NECAB1: variants seen among roughly 807,000 people sequenced by gnomAD.
NECAB1 encodes N-terminal EF-hand calcium-binding protein 1.
A neutral mutation model predicts 57.5 loss-of-function variants in NECAB1; 29 were observed. The observed-to-expected ratio is 0.50, with a 90% confidence interval of 0.38 to 0.69. The LOEUF is 0.69. NECAB1 is among the 30% of genes least tolerant of loss of function. The pLI is 0.00. For missense variants in NECAB1, 372 were observed against 413.8 expected (o/e 0.90, Z 0.88); for synonymous variants, 142 against 147.7 (o/e 0.96, Z 0.28).
intron 3 of NECAB1, among the ~76,000 whole-genome samples, chr8:90,860,729 A>C (rs1812886022): frequency 6.6e-6 from 1 of 152,204 alleles, no homozygotes; most frequent in African/African-American, 2.4e-5. Flanking sequence ...GGAAAGCTGC[A>C]AATGATGCAG....
chr8:90,874,947 A>ATGT (rs1808687523), intron 4 of NECAB1, among the ~76,000 whole-genome samples: 1 of 149,252 alleles, frequency 6.7e-6, no homozygotes, highest in East Asian at 2.0e-4. Flanking sequence ...TCCTAAATGC[A>ATGT]TTTTTTTTTT....
chr8:90,835,585 A>C (rs1812358564), intron 3 of NECAB1, among the ~76,000 whole-genome samples: 1 of 152,088 alleles, frequency 6.6e-6, no homozygotes, highest in Non-Finnish European at 1.5e-5. Context: ...TGTATTCACT[A>C]ACCTTTCCTT....
rs1351780996 is a variant in NECAB1, at chr8:90,958,216, A to AACTT, written c.*2706_*2709dup. ...CATATATAAGAAATTATCGAATTAA[A>AACTT]ACTTAATGTATGTCAATTATTTTCA... On this transcript the variant is annotated 3_prime_UTR_variant, in exon 13 of 13. Transcript: ENST00000417640. 6.6e-6 allele frequency: 1 copy of AACTT among 151,574 alleles called. No homozygotes were observed. The highest frequency in any genetic ancestry group is 2.4e-5 in the African/African-American group (1 of 41,362). 9.4% of individuals were successfully genotyped at this position (151,574 alleles called of 1,614,324 possible).
rs1812197065 is a variant in NECAB1, at chr8:90,824,807, T to C, written c.215T>C (p.Ile72Thr). ...GEELHELFHT[I>T]DTHNTNNLDT... Reference sequence around the variant, plus strand: ...GAATTACACGAGCTTTTCCATACCATTGATACACATAATACTAAGTAAGAA... The same window carrying C: ...GAATTACACGAGCTTTTCCATACCACTGATACACATAATACTAAGTAAGAA... The change falls in exon 3 of 13, where the codon ATT becomes ACT. Residue 72 changes from isoleucine (I) to threonine (T), a missense_variant. Coordinates refer to ENST00000417640, the MANE Select transcript of NECAB1 (RefSeq NM_022351.5). 4.5e-6 allele frequency: 7 copies of C among 1,539,734 alleles called. No homozygotes were observed. The highest frequency in any genetic ancestry group is 6.2e-6 in the Non-Finnish European group (7 of 1,136,896).
intron 5 of NECAB1, among the ~76,000 whole-genome samples, chr8:90,886,099 A>T (rs1808979781): frequency 6.6e-6 from 1 of 152,204 alleles, no homozygotes; most frequent in Admixed American, 6.5e-5. Flanking sequence ...AGAGAAATGA[A>T]ATTTAATTAG....
At chr8:90,833,706 A>G (rs181294546) in intron 3 of NECAB1, among the ~76,000 whole-genome samples, 6 of 152,298 alleles carry the variant, frequency 3.9e-5, no homozygotes, top group Admixed American at 2.0e-4. Flanking sequence ...GATGAAATCA[A>G]TGCAGTAAAA....
rs551559935 is a variant in NECAB1, at chr8:90,798,617, A to G, written c.100-3074A>G. Among the ~76,000 whole-genome samples the G allele has an allele frequency of 6.6e-5, 10 of 152,318 alleles. No homozygotes were observed. The South Asian group carries it at 1.2e-3, about 19-fold the overall frequency. Reference sequence around the variant, plus strand: ...CTCCAGTTGCATCCATGTCACTGCAAAGGACATTATCTTGTTCTTTTTTAT... The same window carrying G: ...CTCCAGTTGCATCCATGTCACTGCAGAGGACATTATCTTGTTCTTTTTTAT... On this transcript the variant is annotated intron_variant, in intron 1 of 12. Coordinates refer to ENST00000417640, the MANE Select transcript of NECAB1 (RefSeq NM_022351.5).
At chr8:90,795,708 T>TCTCTCACA (rs551150301) in intron 1 of NECAB1, among the ~76,000 whole-genome samples, 158 of 147,870 alleles carry the variant, frequency 1.1e-3, no homozygotes, top group Middle Eastern at 7.0e-3. Context: ...CTCATCTCTC[T>TCTCTCACA]CACACACACA....
At chr8:90,828,173 C>T (rs1812253590) in intron 3 of NECAB1, among the ~76,000 whole-genome samples, 1 of 144,714 alleles carries the variant, frequency 6.9e-6, no homozygotes, top group East Asian at 2.1e-4. Context: ...TTACTTGGAT[C>T]TTTTCAGTCA....
Position 90,847,690 on chromosome 8 carries a change from C to T in NECAB1, c.233+22865C>T, listed in dbSNP as rs568778550. 8.5e-5 allele frequency among the ~76,000 whole-genome samples: 13 copies of T among 152,350 alleles called. No individual in the cohort carries two copies. The South Asian group carries it at 2.7e-3, about 32-fold the overall frequency. On this transcript the variant is annotated intron_variant, in intron 3 of 12. Coordinates refer to ENST00000417640, the MANE Select transcript of NECAB1 (RefSeq NM_022351.5). ...GATCCCAAACCTCAGTTCTTGACTT[C>T]TCTGCACCCACAGGCCCAACACCAC...
chr8:90,907,047 G>A (rs1382162580), intron 5 of NECAB1, among the ~76,000 whole-genome samples: 2 of 149,982 alleles, frequency 1.3e-5, no homozygotes, highest in Non-Finnish European at 3.0e-5. Context: ...CACCATGCCT[G>A]GCTAATTTCC....
chr8:90,801,272 A>G (rs1265903340), intron 1 of NECAB1, among the ~76,000 whole-genome samples: 2 of 152,132 alleles, frequency 1.3e-5, no homozygotes, highest in African/African-American at 4.8e-5. Context: ...TGCCCTGCCC[A>G]TTCCTAGGAA....
At chr8:90,823,560 A>G (rs1023892483) in intron 2 of NECAB1, among the ~76,000 whole-genome samples, 2 of 151,812 alleles carry the variant, frequency 1.3e-5, no homozygotes, top group Non-Finnish European at 2.9e-5. Flanking sequence ...GCATTTCAGC[A>G]GTGCTCCAGG....
At chr8:90,815,557 A>G (rs908117467) in intron 2 of NECAB1, among the ~76,000 whole-genome samples, 1 of 151,830 alleles carries the variant, frequency 6.6e-6, no homozygotes, top group Non-Finnish European at 1.5e-5. Flanking sequence ...CCCTCCCTCC[A>G]ACCTCCCCAA....
chr8:90,831,663 G>A (rs1812300405), intron 3 of NECAB1, among the ~76,000 whole-genome samples: 1 of 152,012 alleles, frequency 6.6e-6, no homozygotes, highest in African/African-American at 2.4e-5. Flanking sequence ...CCATTCCCAG[G>A]AGTCCTGCTT....
intron 6 of NECAB1, among the ~76,000 whole-genome samples, chr8:90,921,136 C>A (rs1674733610): frequency 6.6e-6 from 1 of 152,130 alleles, no homozygotes; most frequent in African/African-American, 2.4e-5. Flanking sequence ...CCTGTCTTAG[C>A]CTCCCGAGTA....
chr8:90,959,102 A>G lies in NECAB1; in HGVS notation c.*3590A>G. The G allele has an allele frequency of 1.5e-6, 1 of 687,570 alleles. No homozygotes were observed. The highest frequency in any genetic ancestry group is 2.4e-6 in the Non-Finnish European group (1 of 421,388). The allele number at this position is 687,570 out of a possible 1,614,324, so 42.6% of individuals were successfully genotyped here. On this transcript the variant is annotated 3_prime_UTR_variant, in exon 13 of 13. Coordinates refer to ENST00000417640, the MANE Select transcript of NECAB1 (RefSeq NM_022351.5). The stretch of plus-strand genomic sequence containing the variant: ...TTTTTACTAATTAGTTTATCAAACC[A>G]AATACTGTGAACGTACCAGGTGTTT...
intron 2 of NECAB1, among the ~76,000 whole-genome samples, chr8:90,814,846 G>A (rs189913856): frequency 6.6e-6 from 1 of 152,102 alleles, no homozygotes; most frequent in Non-Finnish European, 1.5e-5. Context: ...CCAAGGTCTG[G>A]ATAATTGTGC....
chr8:90,894,551 A>G (rs533837931), intron 5 of NECAB1, among the ~76,000 whole-genome samples: 4 of 152,304 alleles, frequency 2.6e-5, no homozygotes, highest in Admixed American at 1.3e-4. Context: ...AAAATGATAT[A>G]ATGCATGTAG....
Sources: allele counts gnomAD v4.1 joint callset (sites outside exome capture counted in the v4.1 genomes callset), GRCh38; gene constraint gnomAD v4.1.1; transcripts MANE v1.5; gene names NCBI Gene and HGNC (gene_info 2026-07-23, HGNC 2026-07-21).